Variants in DSG4 observed in about 807,000 individuals in gnomAD.
The protein encoded by DSG4 is desmoglein 4.
Under a neutral mutation model 93.1 loss-of-function variants are expected in DSG4, and 87 were observed. The observed-to-expected ratio is 0.93, with a 90% confidence interval of 0.79 to 1.12. The LOEUF is 1.12. Among genes scored for constraint, DSG4 ranks in the 50% most tolerant of loss-of-function variants. DSG4 has a pLI of 0.00. For synonymous variants in DSG4, 432 were observed against 452.9 expected (o/e 0.95, Z 0.59); for missense variants, 1,373 against 1,285.7 (o/e 1.07, Z -1.04).
intron 10 of DSG4, 25 bp from the exon 11 acceptor site, chr18:31,403,391 A>G (rs1169530941): frequency 2.5e-6 from 4 of 1,589,108 alleles, no homozygotes; most frequent in Non-Finnish European, 3.4e-6. Flanking sequence ...ATTTACCTCA[A>G]CACCAATGAC....
At chr18:31,400,212 A>G (rs1217292492) in intron 9 of DSG4, among the ~76,000 whole-genome samples, 1 of 152,206 alleles carries the variant, frequency 6.6e-6, no homozygotes, top group African/African-American at 2.4e-5. Context: ...AACGAAGTCT[A>G]CTGACTTATA....
rs9946162 is a variant in DSG4, at chr18:31,389,055, T to G, written c.517+37T>G. ...GACATTCCTTCTCTACGTCACAGCA[T>G]ATCTACTTCTCTTGGTCAAAAGCTT... is the stretch of plus-strand genomic sequence containing the variant. On this transcript the variant is annotated intron_variant, in intron 5 of 15. Coordinates refer to ENST00000308128, the MANE Select transcript of DSG4 (RefSeq NM_177986.5). The G allele has an allele frequency of 0.015, 23,510 of 1,608,178 alleles. 2,246 individuals are homozygous for G. In the African/African-American group the frequency reaches 0.24, roughly 16 times the overall value.
chr18:31,398,812 A>G (rs550736517), intron 8 of DSG4, among the ~76,000 whole-genome samples: 1 of 152,320 alleles, frequency 6.6e-6, no homozygotes, highest in Non-Finnish European at 1.5e-5. Context: ...GTGTTCAGTG[A>G]CATCATATAT....
At position 31,400,779 on chromosome 18, in the gene DSG4, TA is replaced by T. The variant is rs1224881930; in HGVS notation, c.1278-97del. On this transcript the variant is annotated intron_variant, in intron 9 of 15. Coordinates refer to ENST00000308128, the MANE Select transcript of DSG4 (RefSeq NM_177986.5). ...CCAAGGCAATCATCACTATAAAACATAAAAACACAATATTAAAGTTTGCCAC... is the reference window on the plus strand; with the variant it reads ...CCAAGGCAATCATCACTATAAAACATAAAACACAATATTAAAGTTTGCCAC... 13 of 1,264,286 alleles carry T rather than the reference TA, an allele frequency of 1.0e-5. No homozygotes were observed. The African/African-American group carries it at 1.4e-4, about 13-fold the overall frequency. 78.3% of individuals were successfully genotyped at this position (1,264,286 alleles called of 1,614,324 possible).
At chr18:31,393,354 G>GA (rs938101812) in intron 8 of DSG4, among the ~76,000 whole-genome samples, 4 of 152,136 alleles carry the variant, frequency 2.6e-5, no homozygotes, top group African/African-American at 9.7e-5. Flanking sequence ...AATTTATAAA[G>GA]AAAAGAGGTT....
intron 5 of DSG4, 38 bp from the exon 6 acceptor site, chr18:31,390,616 AAG>A (rs2072236956): frequency 6.2e-7 from 1 of 1,611,090 alleles, no homozygotes; most frequent in Non-Finnish European, 8.5e-7. Context: ...AATTTATTCT[AAG>A]AGTCCCAACC....
At position 31,403,564 on chromosome 18, in the gene DSG4, T is replaced by C. The variant is rs1310137617; in HGVS notation, c.1566T>C (p.Ser522=). ...LISVNEHSYG[S]PFTFCVVDEP... ...CTGTTAATGAACATTCTTATGGGTC[T>C]CCGTTTACTTTCTGTGTTGTTGATG... The change falls in exon 11 of 16, where the codon TCT becomes TCC. Residue 522 remains serine (S), a synonymous_variant. Transcript: ENST00000308128. The C allele has an allele frequency of 6.2e-7, 1 of 1,613,990 alleles. No individual in the cohort carries two copies. The highest frequency in any genetic ancestry group is 8.5e-7 in the Non-Finnish European group (1 of 1,179,964).
chr18:31,401,027 A>G lies in DSG4; in HGVS notation c.1417+7A>G, dbSNP rs750005511. ...GAGATCCTGGCTATAGATGGTAAGA[A>G]AATTTATTTTCAGTATTTTAAGAAA... is the stretch of plus-strand genomic sequence containing the variant. On this transcript the variant is annotated splice_region_variant and intron_variant, in intron 10 of 15. Coordinates refer to ENST00000308128, the MANE Select transcript of DSG4 (RefSeq NM_177986.5). 1.2e-5 allele frequency: 19 copies of G among 1,586,690 alleles called. No individual in the cohort carries two copies. Among genetic ancestry groups the G allele is most frequent in the Middle Eastern group, 1.9e-4 (1 of 5,172 alleles).
chr18:31,403,662 G>A (rs756232225), intron 11 of DSG4, 28 bp downstream of exon 11: 1 of 1,609,556 alleles, frequency 6.2e-7, no homozygotes, highest in African/African-American at 1.3e-5. Context: ...TTGTTTTTTG[G>A]ACTTTAAGTC....
chr18:31,400,320 A>G (rs895289124), intron 9 of DSG4, among the ~76,000 whole-genome samples: 2 of 152,226 alleles, frequency 1.3e-5, no homozygotes, highest in African/African-American at 4.8e-5. Context: ...TGGAGGTAAA[A>G]GCAGTTCAGA....
intron 11 of DSG4, among the ~76,000 whole-genome samples, chr18:31,404,355 T>A (rs1174229089): frequency 6.6e-6 from 1 of 152,230 alleles, no homozygotes; most frequent in Non-Finnish European, 1.5e-5. Flanking sequence ...CTGACATCGA[T>A]AAAAATTAAG....
Position 31,386,811 on chromosome 18 carries a change from A to G in DSG4, c.208A>G (p.Ile70Val), listed in dbSNP as rs753512705. Reference sequence around the variant, plus strand: ...AGAGGACAACTCGAAGAGGAACCCCATTGCCAAAGTAAGTGATGAAGCAAT... The same window carrying G: ...AGAGGACAACTCGAAGAGGAACCCCGTTGCCAAAGTAAGTGATGAAGCAAT... ...EGEDNSKRNP[I>V]AKIRSDCESN... The change falls in exon 3 of 16, where the codon ATT (isoleucine) becomes GTT (valine). Residue 70 changes from isoleucine to valine, a missense_variant. By Grantham distance (29) the Ile-to-Val change is conservative (BLOSUM62 3). Coordinates refer to ENST00000308128, the MANE Select transcript of DSG4 (RefSeq NM_177986.5). 31 of 1,613,244 alleles carry G rather than the reference A, an allele frequency of 1.9e-5. No homozygotes were observed. The highest frequency in any genetic ancestry group is 8.9e-5 in the East Asian group (4 of 44,866).
chr18:31,380,667 C>T (rs1325710452), intron 1 of DSG4, among the ~76,000 whole-genome samples: 1 of 152,168 alleles, frequency 6.6e-6, no homozygotes, highest in Non-Finnish European at 1.5e-5. Flanking sequence ...ATAGTAACTG[C>T]TTTACTCAAT....
At chr18:31,408,951 C>T (rs551175580) in intron 12 of DSG4, among the ~76,000 whole-genome samples, 13 of 152,126 alleles carry the variant, frequency 8.5e-5, no homozygotes, top group Non-Finnish European at 1.8e-4. Flanking sequence ...AGTCTATAAA[C>T]AAAGTCTTAA....
chr18:31,389,352 T>C (rs574014795), intron 5 of DSG4, among the ~76,000 whole-genome samples: 2 of 152,186 alleles, frequency 1.3e-5, no homozygotes, highest in Non-Finnish European at 2.9e-5. Context: ...GGCTCTGTTC[T>C]GGTCTCTTAC....
intron 15 of DSG4, 118 bp downstream of exon 15, chr18:31,411,566 A>C: frequency 8.2e-7 from 1 of 1,224,622 alleles, no homozygotes; most frequent in Non-Finnish European, 1.2e-6. Context: ...ACCCTATCCC[A>C]AACCTGAATA....
chr18:31,397,856 G>A (rs1418297877), intron 8 of DSG4, among the ~76,000 whole-genome samples: 3 of 151,732 alleles, frequency 2.0e-5, no homozygotes, highest in South Asian at 2.1e-4. Context: ...CAAAACCCCC[G>A]TCTCTACTAA....
intron 12 of DSG4, among the ~76,000 whole-genome samples, chr18:31,408,247 T>A (rs765832228): frequency 1.3e-5 from 2 of 152,212 alleles, no homozygotes. Flanking sequence ...ATACAGTAAT[T>A]GTATTGGGTA....
Position 31,392,139 on chromosome 18 carries a change from G to A in DSG4, c.820-16G>A. 6.2e-7 allele frequency: 1 copy of A among 1,612,900 alleles called. No individual in the cohort carries two copies. Among genetic ancestry groups the A allele is most frequent in the Non-Finnish European group, 8.5e-7 (1 of 1,179,306 alleles). ...TTGAAAATTCATTGACTACAAAATT[G>A]ATCCTTGCATTTTAGTACTCAGCCA... On this transcript the variant is annotated splice_polypyrimidine_tract_variant and intron_variant, in intron 7 of 15. Transcript: ENST00000308128.
Sources: gnomAD v4.1 joint callset for allele counts (sites outside exome capture counted in the v4.1 genomes callset) on GRCh38, gnomAD v4.1.1 for gene constraint, MANE v1.5 for transcripts, NCBI Gene and HGNC (gene_info 2026-07-23, HGNC 2026-07-21) for gene names.